KCNK10: variants seen among roughly 807,000 people sequenced by gnomAD.
KCNK10 encodes potassium channel subfamily K member 10.
KCNK10 carries 25 observed loss-of-function variants against 47.7 expected under a neutral mutation model. The ratio of observed to expected loss-of-function variants is 0.52; its 90% confidence interval spans 0.38 to 0.73. The LOEUF (loss-of-function observed/expected upper bound fraction) is 0.73, where lower values mean the gene tolerates loss of function less well. Among genes scored for constraint, KCNK10 ranks in the 30% least tolerant of loss-of-function variants. KCNK10 has a pLI of 0.00. For missense variants in KCNK10, 563 were observed against 714.5 expected, an observed-to-expected ratio of 0.79 and a Z score of 2.42; for synonymous variants, 303 against 285.6, an observed-to-expected ratio of 1.06 and a Z score of -0.61.
intron 1 of KCNK10, among the ~76,000 whole-genome samples, chr14:88,273,098 T>C (rs1887444700): frequency 6.6e-6 from 1 of 152,030 alleles, no homozygotes; most frequent in Non-Finnish European, 1.5e-5. Flanking sequence ...AGTATGTAAG[T>C]GGTACTGAAG....
chr14:88,271,987 A>T (rs1887417260), intron 1 of KCNK10, among the ~76,000 whole-genome samples: 1 of 151,082 alleles, frequency 6.6e-6, no homozygotes. Context: ...GAACAAGGTT[A>T]TCAGGGTTAG....
intron 1 of KCNK10, among the ~76,000 whole-genome samples, chr14:88,267,796 GGAACC>G (rs1360293107): frequency 2.0e-5 from 3 of 152,178 alleles, no homozygotes; most frequent in Non-Finnish European, 4.4e-5. Context: ...TCTCATGCCT[GGAACC>G]AACAAAGAAG....
intron 5 of KCNK10, among the ~76,000 whole-genome samples, chr14:88,190,607 CACTG>C (rs1260183147): frequency 1.3e-5 from 2 of 151,978 alleles, no homozygotes; most frequent in African/African-American, 4.8e-5. Context: ...TTTTTAGTCA[CACTG>C]ACTAAAAATC....
At chr14:88,237,160 T>C (rs1886322850) in intron 3 of KCNK10, among the ~76,000 whole-genome samples, 1 of 152,248 alleles carries the variant, frequency 6.6e-6, no homozygotes, top group African/African-American at 2.4e-5. Context: ...ACAGCATCTT[T>C]ACCAGGCAGG....
At chr14:88,232,849 A>G (rs554207831) in intron 3 of KCNK10, among the ~76,000 whole-genome samples, 1 of 152,310 alleles carries the variant, frequency 6.6e-6, no homozygotes, top group Admixed American at 6.5e-5. Context: ...CTTCCTGTGC[A>G]TAATTGGTAT....
intron 2 of KCNK10, among the ~76,000 whole-genome samples, chr14:88,242,799 C>T (rs1361057367): frequency 6.6e-6 from 1 of 152,184 alleles, no homozygotes; most frequent in African/African-American, 2.4e-5. Context: ...AAAGCCTTCA[C>T]CAGTGTTTAT....
At chr14:88,257,617 C>T (rs1886993216) in intron 2 of KCNK10, among the ~76,000 whole-genome samples, 1 of 152,204 alleles carries the variant, frequency 6.6e-6, no homozygotes, top group Non-Finnish European at 1.5e-5. Flanking sequence ...AACCCTGGAT[C>T]CTCCATTTCT....
intron 4 of KCNK10, among the ~76,000 whole-genome samples, chr14:88,220,543 A>T (rs1158316924): frequency 2.0e-5 from 3 of 151,610 alleles, no homozygotes; most frequent in Non-Finnish European, 4.4e-5. Context: ...AGAGCCCAAA[A>T]TAGAACCACA....
chr14:88,231,273 C>G (rs1412707011), intron 3 of KCNK10, among the ~76,000 whole-genome samples: 1 of 143,608 alleles, frequency 7.0e-6, no homozygotes, highest in Non-Finnish European at 1.5e-5. Flanking sequence ...AGCAATACCC[C>G]TTCTCTGAAA....
rs1884583368 is a variant in KCNK10 at position 88,186,960 on chromosome 14, T to C, written c.1012-805A>G. 1.3e-5 allele frequency among the ~76,000 whole-genome samples: 2 copies of C among 152,222 alleles called. No individual in the cohort carries two copies. Among genetic ancestry groups the C allele is most frequent in the Non-Finnish European group, 2.9e-5 (2 of 68,046 alleles). ...GGCTCTTAATGAACAGGGCAGACAG[T>C]ATAAGTCCCATGCTTCCCTCTGCAA... On this transcript the variant is annotated intron_variant, in intron 6 of 6. Transcript: ENST00000319231. The surrounding 1 kb of genome is among the most constrained non-coding windows in gnomAD (Gnocchi z 5.5).
In KCNK10 at chr14:88,181,626, G is replaced by A. The variant is rs548559915; in HGVS notation, c.*3909C>T. 3.7e-3 allele frequency: 562 copies of A among 152,290 alleles called. 3 individuals are homozygous for A. The highest frequency in any genetic ancestry group is 6.5e-3 in the Non-Finnish European group (445 of 68,010). 9.4% of individuals were successfully genotyped at this position (152,290 alleles called of 1,614,324 possible). A position where few individuals can be genotyped will look rare whatever the true frequency, so the allele number is the denominator to read the frequency against. Reference sequence around the variant, plus strand: ...AAAGAGCTATAAGGGAGGATAGAGAGAGCCTACACAGGGCATGATCCGAAT... The same window carrying A: ...AAAGAGCTATAAGGGAGGATAGAGAAAGCCTACACAGGGCATGATCCGAAT... On this transcript the variant is annotated 3_prime_UTR_variant, in exon 7 of 7. Transcript: ENST00000319231.
intron 2 of KCNK10, among the ~76,000 whole-genome samples, chr14:88,261,011 G>A (rs186536431): frequency 4.6e-5 from 7 of 152,280 alleles, no homozygotes; most frequent in South Asian, 2.1e-4. Context: ...TGGGCAATAC[G>A]GAAATGCCGA....
intron 2 of KCNK10, among the ~76,000 whole-genome samples, chr14:88,244,584 C>T (rs1595101591): frequency 6.6e-6 from 1 of 151,946 alleles, no homozygotes; most frequent in Middle Eastern, 3.4e-3. Context: ...AGGAGAATGG[C>T]GTGAACCTGG....
chr14:88,197,434 A>G lies in KCNK10; in HGVS notation c.682-5024T>C, dbSNP rs140408822. On this transcript the variant is annotated intron_variant, in intron 4 of 6. Coordinates refer to ENST00000319231, the MANE Select transcript of KCNK10 (RefSeq NM_138317.3). ...TAAAAAATACAAAAATTAGCTGGGC[A>G]TGGTGGCAGATGTCTGTAATCCCAG... Among the ~76,000 whole-genome samples the G allele has an allele frequency of 1.7e-3, 253 of 151,912 alleles. 6 individuals are homozygous for G. The East Asian group carries it at 0.038, about 23-fold the overall frequency.
Position 88,227,478 on chromosome 14 carries a change from GCATATAAAATA to G in KCNK10, c.567_577del (p.Ile190HisfsTer68), listed in dbSNP as rs1471390110. ...ACCAAAGAGTGGAATTCCAAAGATG[GCATATAAAATA>G]CAAAAGATTTTGCCTCCTTCAGTGC... On this transcript the variant is annotated frameshift_variant, in exon 4 of 7. Coordinates refer to ENST00000319231, the MANE Select transcript of KCNK10 (RefSeq NM_138317.3). LOFTEE classifies it high-confidence loss of function. The G allele has an allele frequency of 6.2e-7, 1 of 1,613,402 alleles. No individual in the cohort carries two copies. The highest frequency in any genetic ancestry group is 8.5e-7 in the Non-Finnish European group (1 of 1,179,676).
intron 1 of KCNK10, among the ~76,000 whole-genome samples, chr14:88,284,338 C>T (rs566517785): frequency 9.2e-4 from 140 of 152,208 alleles, no homozygotes; most frequent in Non-Finnish European, 1.4e-3. Flanking sequence ...TTAGTCAGGG[C>T]TCTCGAGAAA....
At position 88,183,509 on chromosome 14, in the gene KCNK10, G is replaced by T. The variant is rs939110575; in HGVS notation, c.*2026C>A. The T allele has an allele frequency of 2.3e-4, 35 of 152,372 alleles. No homozygotes were observed. Among genetic ancestry groups the T allele is most frequent in the African/African-American group, 8.2e-4 (34 of 41,464 alleles). The allele number at this position is 152,372 out of a possible 1,614,324, so 9.4% of individuals were successfully genotyped here. A position where few individuals can be genotyped will look rare whatever the true frequency, so the allele number is the denominator to read the frequency against. ...CTACCTATTCCTTAAAACACATTTTGTCAGGCTGGAATGATTCCCATAGTA... is the reference window on the plus strand; with the variant it reads ...CTACCTATTCCTTAAAACACATTTTTTCAGGCTGGAATGATTCCCATAGTA... On this transcript the variant is annotated 3_prime_UTR_variant, in exon 7 of 7. Coordinates refer to ENST00000319231, the MANE Select transcript of KCNK10 (RefSeq NM_138317.3).
chr14:88,281,160 A>G (rs141643250), intron 1 of KCNK10, among the ~76,000 whole-genome samples: 1 of 152,216 alleles, frequency 6.6e-6, no homozygotes, highest in Non-Finnish European at 1.5e-5. Flanking sequence ...CCACTCGGTT[A>G]CCACTCAGTT....
At chr14:88,297,714 CA>C (rs1302135316) in intron 1 of KCNK10, among the ~76,000 whole-genome samples, 1 of 152,160 alleles carries the variant, frequency 6.6e-6, no homozygotes, top group African/African-American at 2.4e-5. Context: ...ACTTCCTGCC[CA>C]GAGCAGCTCC....
Sources: gnomAD v4.1 joint callset for allele counts (sites outside exome capture counted in the v4.1 genomes callset) on GRCh38, gnomAD v4.1.1 for gene constraint, Gnocchi (gnomAD v3.1) non-coding constraint, MANE v1.5 for transcripts, NCBI Gene and HGNC (gene_info 2026-07-23, HGNC 2026-07-21) for gene names.